The following AKT2 variants were observed in gnomAD, a reference collection of about 807,000 sequenced individuals.
AKT2 encodes the protein RAC-beta serine/threonine-protein kinase.
AKT2 carries 16 observed loss-of-function variants against 58.6 expected under a neutral mutation model. The observed-to-expected ratio is 0.27, with a 90% confidence interval of 0.18 to 0.41. The LOEUF (loss-of-function observed/expected upper bound fraction) is 0.41, where lower values mean the gene tolerates loss of function less well. Among genes scored for constraint, AKT2 ranks in the 10% least tolerant of loss-of-function variants. AKT2 has a pLI of 1.00. For synonymous variants in AKT2, 253 were observed against 254.0 expected (o/e 1.00, Z 0.04); for missense variants, 438 against 661.0 (o/e 0.66, Z 3.70).
chr19:40,239,563 G>C, intron 7 of AKT2: 1 of 329,796 alleles, frequency 3.0e-6, no homozygotes, highest in Non-Finnish European at 5.9e-6. Context: ...ATAAAGAAAT[G>C]ATACATAAGC....
intron 1 of AKT2, among the ~76,000 whole-genome samples, chr19:40,267,403 T>C (rs748236): frequency 0.73 from 110,590 of 151,966 alleles, 40,448 homozygotes; most frequent in African/African-American, 0.79. Flanking sequence ...CTCCATGTTA[T>C]GCTTCTGTCA....
Position 40,255,240 on chromosome 19 carries a change from G to C in AKT2, c.205C>G (p.Arg69Gly). 1 of 1,614,026 alleles carries C rather than the reference G, an allele frequency of 6.2e-7. No homozygotes were observed. Among genetic ancestry groups the C allele is most frequent in the Non-Finnish European group, 8.5e-7 (1 of 1,179,892 alleles). Residue 69 changes from arginine to glycine, a missense_variant, in exon 4 of 14, where the codon CGA (arginine) becomes GGA (glycine). This residue lies in a region of AKT2 where 244 missense variants were observed against 347.1 expected (regional missense o/e 0.70). Coordinates refer to ENST00000392038, the MANE Select transcript of AKT2 (RefSeq NM_001626.6). ...CAGCGTATGACAAAGGTGTTGGGTC[G>C]CGGCCTCTCGGTCTTCATCAGCTGG... ...ECQLMKTERP[R>G]PNTFVIRCLQ...
rs754365799 is a variant in AKT2, at chr19:40,242,949, C to A, written c.288-262G>T. The A allele has an allele frequency of 1.5e-4, 66 of 452,714 alleles. No homozygotes were observed. The highest frequency in any genetic ancestry group is 2.5e-4 in the Non-Finnish European group (61 of 242,844). The allele number at this position is 452,714 out of a possible 1,614,324, so 28.0% of individuals were successfully genotyped here. The stretch of plus-strand genomic sequence containing the variant: ...GGATCACAAGGTCAGGAGTTCGAGA[C>A]CAGCCTGGCCAACATGGTGAAACCC... On this transcript the variant is annotated intron_variant, in intron 4 of 13. Transcript: ENST00000392038. The surrounding 1 kb of genome is among the most constrained non-coding windows in gnomAD (Gnocchi z 4.3).
chr19:40,249,286 A>G (rs981864919), intron 4 of AKT2, among the ~76,000 whole-genome samples: 9 of 152,182 alleles, frequency 5.9e-5, no homozygotes, highest in African/African-American at 1.4e-4. Flanking sequence ...CCTCCAGGAA[A>G]GAGATGCTGG....
At chr19:40,248,074 C>T (rs1263425736) in intron 4 of AKT2, among the ~76,000 whole-genome samples, 1 of 152,170 alleles carries the variant, frequency 6.6e-6, no homozygotes, top group Non-Finnish European at 1.5e-5. Flanking sequence ...GCCTTCCGTA[C>T]CAGCTGGGGA....
At chr19:40,262,254 A>G (rs1180890539) in intron 2 of AKT2, among the ~76,000 whole-genome samples, 1 of 152,100 alleles carries the variant, frequency 6.6e-6, no homozygotes, top group Non-Finnish European at 1.5e-5. Context: ...GAAAAAAAAA[A>G]AAAGACAAAA....
chr19:40,277,363 C>T (rs576540873), intron 1 of AKT2, among the ~76,000 whole-genome samples: 22 of 152,320 alleles, frequency 1.4e-4, no homozygotes, highest in Admixed American at 2.6e-4. Context: ...CCAAGGCCTT[C>T]GGACACCAGT....
rs567330546 is a variant in AKT2 at position 40,238,683 on chromosome 19, C to A, written c.708+222G>T. Among the ~76,000 whole-genome samples the A allele has an allele frequency of 2.0e-5, 3 of 152,134 alleles. No individual in the cohort carries two copies. Among genetic ancestry groups the A allele is most frequent in the Non-Finnish European group, 4.4e-5 (3 of 68,024 alleles). The stretch of plus-strand genomic sequence containing the variant: ...TGGACTGGTTTGGACCTGACCCACC[C>A]ACTCACTAGCTGTGTAAACTTGGGC... On this transcript the variant is annotated intron_variant, in intron 8 of 13. Transcript: ENST00000392038. This position sits in a 1 kb window ranked among gnomAD's most constrained non-coding sequence, Gnocchi z 5.1.
rs371832893 is a variant in AKT2 at position 40,238,865 on chromosome 19, G to A, written c.708+40C>T. 1.9e-5 allele frequency: 31 copies of A among 1,599,096 alleles called. No homozygotes were observed. Among genetic ancestry groups the A allele is most frequent in the Non-Finnish European group, 2.5e-5 (29 of 1,166,660 alleles). On this transcript the variant is annotated intron_variant, in intron 8 of 13. Coordinates refer to ENST00000392038, the MANE Select transcript of AKT2 (RefSeq NM_001626.6). The surrounding 1 kb of genome is among the most constrained non-coding windows in gnomAD (Gnocchi z 5.1). ...CTCCATCCCGCCCCACCCTAAAGAA[G>A]GAGGCCCCAGAGGGCAAAGTCAAGG...
intron 6 of AKT2, 153 bp from the exon 7 acceptor site, chr19:40,240,263 C>T (rs749517518): frequency 1.2e-6 from 1 of 869,122 alleles, no homozygotes; most frequent in South Asian, 1.3e-5. Context: ...CCTGCAAACC[C>T]TCAGCAAATA....
chr19:40,250,879 C>G (rs1975107830), intron 4 of AKT2, among the ~76,000 whole-genome samples: 1 of 151,982 alleles, frequency 6.6e-6, no homozygotes, highest in South Asian at 2.1e-4. Context: ...TCTTGCCTGC[C>G]AAGACCAGGG....
chr19:40,237,782 C>T lies in AKT2; in HGVS notation c.831+187G>A, dbSNP rs1022775775. 17 of 791,766 alleles carry T rather than the reference C, an allele frequency of 2.1e-5. No individual in the cohort carries two copies. The East Asian group carries it at 2.4e-4, about 11-fold the overall frequency. 49.0% of individuals were successfully genotyped at this position (791,766 alleles called of 1,614,324 possible). ...CACCACCCTGGACCTTGGTGGGGAG[C>T]CTGGTGAATGAGGGCAGCCACCACC... On this transcript the variant is annotated intron_variant, in intron 9 of 13. Transcript: ENST00000392038. The surrounding 1 kb of genome is among the most constrained non-coding windows in gnomAD (Gnocchi z 4.5).
rs750620611 is a variant in AKT2 at position 40,235,934 on chromosome 19, G to T, written c.1131C>A (p.Ala377=). The T allele has an allele frequency of 1.9e-6, 3 of 1,613,696 alleles. No homozygotes were observed. Among genetic ancestry groups the T allele is most frequent in the Non-Finnish European group, 2.5e-6 (3 of 1,180,014 alleles). ...IRFPRTLSPE[A]KSLLAGLLKK... is the part of the protein sequence containing the mutation. ...TAAGCAGCCCAGCAAGCAGGGACTT[G>T]GCCTCGGGGCTGAGCGTGCGCGGGA... The change falls in exon 11 of 14, where the codon GCC becomes GCA. Residue 377 remains alanine, a synonymous_variant. Coordinates refer to ENST00000392038, the MANE Select transcript of AKT2 (RefSeq NM_001626.6). This position sits in a 1 kb window ranked among gnomAD's most constrained non-coding sequence, Gnocchi z 6.3.
intron 2 of AKT2, among the ~76,000 whole-genome samples, chr19:40,259,519 A>G (rs1198784990): frequency 6.6e-6 from 1 of 152,248 alleles, no homozygotes; most frequent in African/African-American, 2.4e-5. Flanking sequence ...CATTACTTTG[A>G]ATTTGGCAAT....
At chr19:40,279,988 G>A (rs114184099) in intron 1 of AKT2, among the ~76,000 whole-genome samples, 46 of 152,244 alleles carry the variant, frequency 3.0e-4, no homozygotes, top group African/African-American at 9.9e-4. Context: ...GGTCCTCCCT[G>A]ATCACCCAGC....
intron 1 of AKT2, chr19:40,282,771 C>A (rs1042116992): frequency 3.1e-6 from 1 of 319,654 alleles, no homozygotes; most frequent in Non-Finnish European, 6.2e-6. Context: ...ACTTCAATTT[C>A]GGACTCTGCA....
intron 2 of AKT2, among the ~76,000 whole-genome samples, chr19:40,263,021 A>G (rs769346725): frequency 2.0e-5 from 3 of 152,296 alleles, no homozygotes; most frequent in Non-Finnish European, 2.9e-5. Context: ...AACCTGAGAC[A>G]GGTGTGTCAG....
chr19:40,242,068 G>T lies in AKT2; in HGVS notation c.443C>A (p.Thr148Asn), dbSNP rs1974442688. Reference sequence around the variant, plus strand: ...TTTGAGATAGTCGAAGTCATTCATGGTCTGCCAGGGACAGGGAGAGTGGGG... The same window carrying T: ...TTTGAGATAGTCGAAGTCATTCATGTTCTGCCAGGGACAGGGAGAGTGGGG... ...VAVSKARAKV[T>N]MNDFDYLKLL... Residue 148 changes from threonine to asparagine, a missense_variant and splice_region_variant, in exon 6 of 14, where the codon ACC becomes AAC. This residue lies in a region of AKT2 where 244 missense variants were observed against 347.1 expected (regional missense o/e 0.70). Transcript: ENST00000392038. This position sits in a 1 kb window ranked among gnomAD's most constrained non-coding sequence, Gnocchi z 4.3. The T allele has an allele frequency of 6.2e-7, 1 of 1,614,222 alleles. No homozygotes were observed. The highest frequency in any genetic ancestry group is 8.5e-7 in the Non-Finnish European group (1 of 1,180,048).
At chr19:40,252,215 G>C (rs372389200) in intron 4 of AKT2, among the ~76,000 whole-genome samples, 7 of 152,190 alleles carry the variant, frequency 4.6e-5, no homozygotes, top group African/African-American at 1.7e-4. Context: ...AGTCAGCCAG[G>C]AGCAGAGTGG....
Sources: allele counts gnomAD v4.1 joint callset (sites outside exome capture counted in the v4.1 genomes callset), GRCh38; gene constraint gnomAD v4.1.1; regional missense constraint gnomAD v4.1.1; non-coding constraint Gnocchi (gnomAD v3.1); transcripts MANE v1.5; gene names NCBI Gene and HGNC (gene_info 2026-07-23, HGNC 2026-07-21).